The following PCDHGB4 variants were observed in gnomAD, a reference collection of about 807,000 sequenced individuals.
PCDHGB4 encodes the protein protocadherin gamma-B4.
A neutral mutation model predicts 60.5 loss-of-function variants in PCDHGB4; 38 were observed. The observed-to-expected ratio is 0.63, with a 90% CI of 0.48 to 0.82. PCDHGB4 has a LOEUF of 0.82. Among genes scored for constraint, PCDHGB4 ranks in the 40% least tolerant of loss-of-function variants. The pLI, the probability that PCDHGB4 is intolerant of heterozygous loss-of-function variation, is 0.00. For synonymous variants in PCDHGB4, 456 were observed against 509.7 expected (o/e 0.89, Z 1.42); for missense variants, 1,109 against 1,209.6 (o/e 0.92, Z 1.23).
In PCDHGB4 at chr5:141,486,329, A is replaced by C. The variant is rs1045072240; in HGVS notation, c.2398-8478A>C. 1.2e-6 allele frequency: 2 copies of C among 1,613,882 alleles called. No individual in the cohort carries two copies. Among genetic ancestry groups the C allele is most frequent in the African/African-American group, 2.7e-5 (2 of 74,866 alleles). ...AGACTCAGGGTCAAACGGAGATGTG[A>C]GCCTCCGCATTCCTGACCACTTGCC... On this transcript the variant is annotated intron_variant, in intron 1 of 3. Transcript: ENST00000519479. The surrounding 1 kb of genome is among the most constrained non-coding windows in gnomAD (Gnocchi z 5.0).
Position 141,485,863 on chromosome 5 carries a change from A to G in PCDHGB4, c.2398-8944A>G, listed in dbSNP as rs770864367. 78 of 1,614,054 alleles carry G rather than the reference A, an allele frequency of 4.8e-5. No individual in the cohort carries two copies. Among genetic ancestry groups the G allele is most frequent in the Non-Finnish European group, 6.0e-5 (71 of 1,180,040 alleles). ...GATCTGGCACCGCAGAGCTCCGGGT[A>G]TCCGTGCTGGACGTAAACGACAACG... On this transcript the variant is annotated intron_variant, in intron 1 of 3. Coordinates refer to ENST00000519479, the MANE Select transcript of PCDHGB4 (RefSeq NM_003736.4). The surrounding 1 kb of genome is among the most constrained non-coding windows in gnomAD (Gnocchi z 5.7).
intron 1 of PCDHGB4, chr5:141,413,489 G>A (rs937434384): frequency 1.9e-6 from 3 of 1,614,036 alleles, no homozygotes; most frequent in Admixed American, 1.7e-5. Context: ...CAGAGCGCGC[G>A]GTGCGTGGTG....
chr5:141,489,775 T>C lies in PCDHGB4; in HGVS notation c.2398-5032T>C, dbSNP rs748163008. The C allele has an allele frequency of 6.2e-7, 1 of 1,614,110 alleles. No homozygotes were observed. The highest frequency in any genetic ancestry group is 8.5e-7 in the Non-Finnish European group (1 of 1,179,986). Reference sequence around the variant, plus strand: ...CACTCTAAGCCCCAACAGCCACTTCTCTCTGAATGTGAAGACCCTAAAAGA... The same window carrying C: ...CACTCTAAGCCCCAACAGCCACTTCCCTCTGAATGTGAAGACCCTAAAAGA... On this transcript the variant is annotated intron_variant, in intron 1 of 3. Coordinates refer to ENST00000519479, the MANE Select transcript of PCDHGB4 (RefSeq NM_003736.4). This position sits in a 1 kb window ranked among gnomAD's most constrained non-coding sequence, Gnocchi z 4.5.
chr5:141,489,151 AAG>A lies in PCDHGB4; in HGVS notation c.2398-5652_2398-5651del. ...TTTTTAAGAGGCTGGAAGGAGACAT[AAG>A]AGACTTCAGCTGCTGCATTCCAAGC... On this transcript the variant is annotated intron_variant, in intron 1 of 3. Coordinates refer to ENST00000519479, the MANE Select transcript of PCDHGB4 (RefSeq NM_003736.4). The surrounding 1 kb of genome is among the most constrained non-coding windows in gnomAD (Gnocchi z 4.5). The A allele has an allele frequency of 1.1e-6, 1 of 932,970 alleles. No homozygotes were observed. The highest frequency in any genetic ancestry group is 1.6e-6 in the Non-Finnish European group (1 of 622,054). 57.8% of individuals were successfully genotyped at this position (932,970 alleles called of 1,614,324 possible).
At chr5:141,441,932 C>A in intron 1 of PCDHGB4, 1 of 347,904 alleles carries the variant, frequency 2.9e-6, no homozygotes. Flanking sequence ...GCGTGGCTGT[C>A]CTACCACGTG....
chr5:141,398,740 CAG>C (rs759927246), intron 1 of PCDHGB4: 11 of 1,613,746 alleles, frequency 6.8e-6, no homozygotes, highest in Non-Finnish European at 1.7e-6. Context: ...CCGGGAACAA[CAG>C]AGTTACCATC....
intron 1 of PCDHGB4, chr5:141,478,305 C>A (rs775282798): frequency 1.2e-6 from 2 of 1,613,974 alleles, no homozygotes; most frequent in Non-Finnish European, 8.5e-7. Flanking sequence ...TACCGAGCCC[C>A]GGTGAGCTCA....
In PCDHGB4 at chr5:141,476,432, G is replaced by T; in HGVS notation, c.2398-18375G>T. 6.2e-7 allele frequency: 1 copy of T among 1,614,116 alleles called. No individual in the cohort carries two copies. The highest frequency in any genetic ancestry group is 8.5e-7 in the Non-Finnish European group (1 of 1,180,028). ...GTGTGGGACACTGCCCTCTTGCACT[G>T]TAACTCTGGAGTTGGTAGTGGAGAA... On this transcript the variant is annotated intron_variant, in intron 1 of 3. Coordinates refer to ENST00000519479, the MANE Select transcript of PCDHGB4 (RefSeq NM_003736.4). The surrounding 1 kb of genome is among the most constrained non-coding windows in gnomAD (Gnocchi z 7.6).
intron 1 of PCDHGB4, chr5:141,430,885 C>T (rs771554381): frequency 5.6e-6 from 9 of 1,605,218 alleles, no homozygotes; most frequent in South Asian, 1.1e-5. Flanking sequence ...TGGAGAAAGG[C>T]TCTAGGGTGG....
At chr5:141,419,552 C>T in intron 1 of PCDHGB4, 1 of 1,612,014 alleles carries the variant, frequency 6.2e-7, no homozygotes, top group Non-Finnish European at 8.5e-7. Flanking sequence ...GGTGCTGTAC[C>T]CTGCGCTGGG....
At chr5:141,448,802 A>G (rs897172074) in intron 1 of PCDHGB4, among the ~76,000 whole-genome samples, 14 of 152,044 alleles carry the variant, frequency 9.2e-5, no homozygotes, top group Non-Finnish European at 1.8e-4. Flanking sequence ...AAAATTAGCC[A>G]GGCGTGATGG....
intron 1 of PCDHGB4, chr5:141,415,791 C>CTTT: frequency 1.5e-6 from 2 of 1,341,938 alleles, no homozygotes; most frequent in Non-Finnish European, 1.9e-6. Flanking sequence ...GTAAAATTCA[C>CTTT]CTAGTCTCAA....
intron 1 of PCDHGB4, chr5:141,413,123 AAACACAC>A (rs2095606041): frequency 2.0e-6 from 3 of 1,526,818 alleles, no homozygotes; most frequent in Middle Eastern, 3.6e-4. Context: ...GAACCGGTTG[AAACACAC>A]AACGTGTCCA....
chr5:141,491,571 C>CT lies in PCDHGB4; in HGVS notation c.2398-3232dup. On this transcript the variant is annotated intron_variant, in intron 1 of 3. Coordinates refer to ENST00000519479, the MANE Select transcript of PCDHGB4 (RefSeq NM_003736.4). The surrounding 1 kb of genome is among the most constrained non-coding windows in gnomAD (Gnocchi z 6.9). ...CGCAGAGCCACTGCTACAGGACGTG[C>CT]TTTTCACCGGCCTCGGACGGCAGTG... 6.2e-7 allele frequency: 1 copy of CT among 1,614,026 alleles called. No homozygotes were observed. Among genetic ancestry groups the CT allele is most frequent in the Non-Finnish European group, 8.5e-7 (1 of 1,180,042 alleles).
rs200568923 is a variant in PCDHGB4 at position 141,413,794 on chromosome 5, G to A, written c.2397+23513G>A. On this transcript the variant is annotated intron_variant, in intron 1 of 3. Coordinates refer to ENST00000519479, the MANE Select transcript of PCDHGB4 (RefSeq NM_003736.4). The stretch of plus-strand genomic sequence containing the variant: ...GGTACTGGAGCACTCCCTAGATCGC[G>A]AGGAAGAGGCCATTCACCACCTGGT... 6.7e-5 allele frequency: 108 copies of A among 1,613,050 alleles called. No individual in the cohort carries two copies. Among genetic ancestry groups the A allele is most frequent in the Admixed American group, 8.3e-5 (5 of 59,990 alleles).
At chr5:141,414,310 G>A in intron 1 of PCDHGB4, 1 of 1,613,722 alleles carries the variant, frequency 6.2e-7, no homozygotes, top group South Asian at 1.1e-5. Context: ...GCATGATTTA[G>A]ACTCTGAGCA....
chr5:141,389,407 A>C lies in PCDHGB4; in HGVS notation c.1523A>C (p.Glu508Ala). Residue 508 changes from glutamate to alanine, a missense_variant, in exon 1 of 4, where the codon GAG (glutamate) becomes GCG (alanine). This residue lies in a region of PCDHGB4 where 1,068 missense variants were observed against 1,089.9 expected (regional missense o/e 0.98). Coordinates refer to ENST00000519479, the MANE Select transcript of PCDHGB4 (RefSeq NM_003736.4). ...TCATCCTACGTGTCCATAAGCGCGG[A>C]GAGCGGGGTGGTGTTCGCGCAGCGC... The part of the protein sequence containing the change: ...ELSSYVSISA[E>A]SGVVFAQRAF... 1 of 1,613,616 alleles carries C rather than the reference A, an allele frequency of 6.2e-7. No individual in the cohort carries two copies. The highest frequency in any genetic ancestry group is 8.5e-7 in the Non-Finnish European group (1 of 1,179,902).
chr5:141,466,573 C>T (rs2099125317), intron 1 of PCDHGB4, among the ~76,000 whole-genome samples: 1 of 152,104 alleles, frequency 6.6e-6, no homozygotes, highest in South Asian at 2.1e-4. Context: ...TCAACATTGT[C>T]TCATCCCTTC....
At chr5:141,417,753 C>T (rs889153718) in intron 1 of PCDHGB4, 3 of 1,431,672 alleles carry the variant, frequency 2.1e-6, no homozygotes, top group African/African-American at 2.9e-5. Flanking sequence ...ATTGCCAGCT[C>T]CGAGACCCGG....
Sources: allele counts gnomAD v4.1 joint callset (sites outside exome capture counted in the v4.1 genomes callset), GRCh38; gene constraint gnomAD v4.1.1; regional missense constraint gnomAD v4.1.1; non-coding constraint Gnocchi (gnomAD v3.1); transcripts MANE v1.5; gene names NCBI Gene and HGNC (gene_info 2026-07-23, HGNC 2026-07-21).